Variants in SGMS1 observed in about 807,000 individuals in gnomAD.
The protein encoded by SGMS1 is sphingomyelin synthase 1, also known as phosphatidylcholine:ceramide cholinephosphotransferase 1.
SGMS1 carries 13 observed loss-of-function variants against 46.2 expected under a neutral mutation model. The ratio of observed to expected loss-of-function variants is 0.28; its 90% CI spans 0.18 to 0.45. SGMS1 has a LOEUF of 0.45. Among genes scored for constraint, SGMS1 ranks in the 20% least tolerant of loss-of-function variants. SGMS1 has a pLI of 1.00. For synonymous variants in SGMS1, 203 were observed against 187.8 expected (o/e 1.08, Z -0.66); for missense variants, 324 against 519.9 (o/e 0.62, Z 3.66).
At chr10:50,529,343 C>T (rs16937874) in intron 2 of SGMS1, among the ~76,000 whole-genome samples, 7,800 of 152,188 alleles carry the variant, frequency 0.051, 591 homozygotes, top group African/African-American at 0.16. Flanking sequence ...ATCCCTGAAA[C>T]GGCAAAGTCC....
chr10:50,422,139 T>C (rs111233686), intron 6 of SGMS1, among the ~76,000 whole-genome samples: 22 of 152,292 alleles, frequency 1.4e-4, no homozygotes, highest in African/African-American at 5.1e-4. Flanking sequence ...CATAGGATCT[T>C]AGCATCCTTC....
chr10:50,317,808 T>A (rs1229954953), intron 8 of SGMS1, among the ~76,000 whole-genome samples: 1 of 150,654 alleles, frequency 6.6e-6, no homozygotes, highest in Non-Finnish European at 1.5e-5. Context: ...CTTTCTTTTT[T>A]TTTTTTTTTT....
At chr10:50,487,985 T>TTTTATTTA (rs3054268) in intron 3 of SGMS1, among the ~76,000 whole-genome samples, 2,380 of 139,022 alleles carry the variant, frequency 0.017, 26 homozygotes, top group East Asian at 0.027. Context: ...TTTGTTTTTA[T>TTTTATTTA]TTTATTTATT....
At chr10:50,413,669 G>A (rs1390515905) in intron 6 of SGMS1, among the ~76,000 whole-genome samples, 8 of 152,136 alleles carry the variant, frequency 5.3e-5, no homozygotes, top group South Asian at 4.1e-4. Context: ...AATCAAAAAC[G>A]TGTCCAAATA....
At chr10:50,430,283 C>T (rs1308843921) in intron 6 of SGMS1, among the ~76,000 whole-genome samples, 4 of 151,978 alleles carry the variant, frequency 2.6e-5, no homozygotes, top group South Asian at 2.1e-4. Flanking sequence ...TTATAGACTA[C>T]GTACACATGG....
chr10:50,361,514 A>G (rs186917375), intron 6 of SGMS1, among the ~76,000 whole-genome samples: 14 of 152,328 alleles, frequency 9.2e-5, no homozygotes, highest in African/African-American at 3.4e-4. Flanking sequence ...TACCTAGTGC[A>G]GTTAAAGTTC....
intron 7 of SGMS1, among the ~76,000 whole-genome samples, chr10:50,341,001 G>A (rs577274670): frequency 6.6e-6 from 1 of 152,148 alleles, no homozygotes; most frequent in Admixed American, 6.5e-5. Context: ...TATAAAACAG[G>A]CTCCTAAGTG....
chr10:50,527,063 C>CAAAAAAAAA (rs573386594), intron 2 of SGMS1, among the ~76,000 whole-genome samples: 2 of 90,744 alleles, frequency 2.2e-5, no homozygotes, highest in Non-Finnish European at 4.0e-5. Flanking sequence ...GACTCTGTCT[C>CAAAAAAAAA]AAAAAAAAAA....
intron 2 of SGMS1, among the ~76,000 whole-genome samples, chr10:50,528,898 A>T (rs1837928456): frequency 6.6e-6 from 1 of 152,246 alleles, no homozygotes; most frequent in African/African-American, 2.4e-5. Flanking sequence ...CACTGGTCAA[A>T]GTGACATACT....
At chr10:50,598,856 A>C (rs1838621346) in intron 1 of SGMS1, among the ~76,000 whole-genome samples, 1 of 152,208 alleles carries the variant, frequency 6.6e-6, no homozygotes, top group African/African-American at 2.4e-5. Context: ...AATTTTTCAA[A>C]AGCTATTGAG....
intron 6 of SGMS1, among the ~76,000 whole-genome samples, chr10:50,409,762 C>T (rs866912288): frequency 9.2e-5 from 14 of 151,962 alleles, no homozygotes; most frequent in Admixed American, 5.2e-4. Flanking sequence ...TATATAGGAA[C>T]AGATAACTTC....
At chr10:50,454,885 A>T (rs1371149215) in intron 5 of SGMS1, among the ~76,000 whole-genome samples, 1 of 152,208 alleles carries the variant, frequency 6.6e-6, no homozygotes, top group Non-Finnish European at 1.5e-5. Context: ...ACAAGAACAT[A>T]GGTCATGCAT....
intron 6 of SGMS1, among the ~76,000 whole-genome samples, chr10:50,385,989 G>A (rs759323478): frequency 6.6e-5 from 10 of 151,972 alleles, no homozygotes; most frequent in Admixed American, 3.3e-4. Flanking sequence ...TATGACATAG[G>A]ACATCAAAAA....
chr10:50,432,290 CAA>C (rs58901037), intron 6 of SGMS1, among the ~76,000 whole-genome samples: 26,946 of 152,096 alleles, frequency 0.18, 2,726 homozygotes, highest in Admixed American at 0.24. Flanking sequence ...ATACTAAAAA[CAA>C]AGGTAATAAA....
intron 6 of SGMS1, among the ~76,000 whole-genome samples, chr10:50,425,733 G>C (rs1170211102): frequency 2.0e-5 from 3 of 152,034 alleles, no homozygotes; most frequent in African/African-American, 7.2e-5. Flanking sequence ...TGTACCCCGG[G>C]TCTAAAATAA....
At chr10:50,495,964 G>A (rs539430568) in intron 3 of SGMS1, among the ~76,000 whole-genome samples, 1 of 152,264 alleles carries the variant, frequency 6.6e-6, no homozygotes, top group East Asian at 1.9e-4. Context: ...TTAAAGTCAT[G>A]TGCACGTATT....
chr10:50,418,878 A>G (rs1315759886), intron 6 of SGMS1, among the ~76,000 whole-genome samples: 5 of 152,176 alleles, frequency 3.3e-5, no homozygotes, highest in African/African-American at 1.2e-4. Flanking sequence ...CAGTCCCCCC[A>G]TATGCAGTTT....
intron 1 of SGMS1, among the ~76,000 whole-genome samples, chr10:50,620,627 A>T (rs1056682329): frequency 1.3e-5 from 2 of 152,266 alleles, no homozygotes; most frequent in Non-Finnish European, 2.9e-5. Flanking sequence ...TAGGAGAAGA[A>T]GAAATACCTA....
rs1304342559 is a variant in SGMS1, at chr10:50,466,907, T to G, written c.-472A>C. 6.6e-6 allele frequency: 1 copy of G among 152,254 alleles called. No individual in the cohort carries two copies. Among genetic ancestry groups the G allele is most frequent in the Non-Finnish European group, 1.5e-5 (1 of 68,002 alleles). 9.4% of individuals were successfully genotyped at this position (152,254 alleles called of 1,614,324 possible). A position where few individuals can be genotyped will look rare whatever the true frequency, so the allele number is the denominator to read the frequency against. On this transcript the variant is annotated 5_prime_UTR_variant, in exon 4 of 11. Coordinates refer to ENST00000361781, the MANE Select transcript of SGMS1 (RefSeq NM_147156.4). ...CAGTTTACCTGAATCATGCTGTTAT[T>G]TTTCTTCATCAGTCTTCTTTCCAAT...
Sources: gnomAD v4.1 joint callset for allele counts (sites outside exome capture counted in the v4.1 genomes callset) on GRCh38, gnomAD v4.1.1 for gene constraint, MANE v1.5 for transcripts, NCBI Gene and HGNC (gene_info 2026-07-23, HGNC 2026-07-21) for gene names.